The following ZFPM2 variants were observed in gnomAD, a reference collection of about 807,000 sequenced individuals.
ZFPM2 encodes the protein zinc finger protein ZFPM2.
ZFPM2 carries 20 observed loss-of-function variants against 98.6 expected under a neutral mutation model. The observed-to-expected ratio is 0.20, with a 90% CI of 0.14 to 0.29. ZFPM2 has a LOEUF of 0.29. Among genes scored for constraint, ZFPM2 ranks in the 10% least tolerant of loss-of-function variants. The pLI is 1.00. For synonymous variants in ZFPM2, 518 were observed against 502.7 expected, an observed-to-expected ratio of 1.03 and a Z score of -0.41; for missense variants, 1,310 against 1,388.6, an observed-to-expected ratio of 0.94 and a Z score of 0.90.
intron 3 of ZFPM2, among the ~76,000 whole-genome samples, chr8:105,468,577 C>T (rs1812837939): frequency 6.6e-6 from 1 of 152,114 alleles, no homozygotes; most frequent in Non-Finnish European, 1.5e-5. Flanking sequence ...TTAGCACCTT[C>T]CATGGCCTTG....
chr8:105,602,401 C>T (rs1187109092), intron 4 of ZFPM2, among the ~76,000 whole-genome samples: 1 of 151,962 alleles, frequency 6.6e-6, no homozygotes, highest in East Asian at 1.9e-4. Context: ...ATCTCTTTGT[C>T]CAGTTAATAG....
At chr8:105,606,316 TTTC>T (rs1013271342) in intron 4 of ZFPM2, among the ~76,000 whole-genome samples, 5 of 152,152 alleles carry the variant, frequency 3.3e-5, no homozygotes, top group African/African-American at 7.2e-5. Context: ...ATATGCTGCA[TTTC>T]TTCTTCTTCT....
At chr8:105,383,719 G>T (rs1373573191) in intron 1 of ZFPM2, among the ~76,000 whole-genome samples, 2 of 152,034 alleles carry the variant, frequency 1.3e-5, no homozygotes, top group African/African-American at 4.8e-5. Flanking sequence ...ATTGTTGCAT[G>T]CTATTTTAGC....
chr8:105,701,262 C>G (rs986019748), intron 5 of ZFPM2, among the ~76,000 whole-genome samples: 2 of 152,132 alleles, frequency 1.3e-5, no homozygotes, highest in Non-Finnish European at 2.9e-5. Flanking sequence ...ACAGAAATTT[C>G]TGAAATGCTA....
At chr8:105,658,021 G>C (rs1817317919) in intron 5 of ZFPM2, among the ~76,000 whole-genome samples, 1 of 152,154 alleles carries the variant, frequency 6.6e-6, no homozygotes, top group African/African-American at 2.4e-5. Flanking sequence ...TTGTTGACCA[G>C]TGCTTCCATT....
At chr8:105,392,103 T>G (rs1205733176) in intron 1 of ZFPM2, among the ~76,000 whole-genome samples, 1 of 152,194 alleles carries the variant, frequency 6.6e-6, no homozygotes, top group Non-Finnish European at 1.5e-5. Flanking sequence ...TAGGTTTCCT[T>G]GTACATCTCC....
chr8:105,649,060 G>C (rs868412125), intron 5 of ZFPM2, among the ~76,000 whole-genome samples: 19 of 152,282 alleles, frequency 1.2e-4, no homozygotes, highest in African/African-American at 4.6e-4. Flanking sequence ...TCATTGAGCA[G>C]TGGTTTGTAG....
At chr8:105,571,043 C>G (rs866729512) in intron 4 of ZFPM2, among the ~76,000 whole-genome samples, 1 of 152,144 alleles carries the variant, frequency 6.6e-6, no homozygotes, top group East Asian at 1.9e-4. Flanking sequence ...TTTATGTCAT[C>G]ATAAGATGAT....
At chr8:105,600,755 T>C (rs1409801201) in intron 4 of ZFPM2, among the ~76,000 whole-genome samples, 1 of 152,038 alleles carries the variant, frequency 6.6e-6, no homozygotes, top group Admixed American at 6.6e-5. Context: ...AAAGTGTTTA[T>C]AGCAATAATC....
At chr8:105,356,972 A>G (rs1812759740) in intron 1 of ZFPM2, among the ~76,000 whole-genome samples, 2 of 152,132 alleles carry the variant, frequency 1.3e-5, no homozygotes, top group Non-Finnish European at 2.9e-5. Flanking sequence ...ATAGCTCTTT[A>G]TTACCTACTT....
intron 1 of ZFPM2, among the ~76,000 whole-genome samples, chr8:105,330,555 T>TATATATATATATATAC (rs1812196634): frequency 1.9e-5 from 2 of 104,880 alleles, no homozygotes; most frequent in Non-Finnish European, 3.9e-5. Context: ...TATATATACA[T>TATATATATATATATAC]ATATATATAT....
rs534823544 is a variant in ZFPM2 at position 105,457,443 on chromosome 8, C to T, written c.301+13062C>T. Among the ~76,000 whole-genome samples the T allele has an allele frequency of 2.2e-4, 34 of 152,272 alleles. No individual in the cohort carries two copies. In the South Asian group the frequency reaches 7.0e-3, roughly 32 times the overall value. ...TATGCAGTAGGCTCCCAGGATCAAG[C>T]GATGACTTAGTCTACCTTCAAAAGC... On this transcript the variant is annotated intron_variant, in intron 3 of 7. Coordinates refer to ENST00000407775, the MANE Select transcript of ZFPM2 (RefSeq NM_012082.4).
At chr8:105,671,417 A>G (rs1817591379) in intron 5 of ZFPM2, among the ~76,000 whole-genome samples, 1 of 151,870 alleles carries the variant, frequency 6.6e-6, no homozygotes, top group African/African-American at 2.4e-5. Context: ...ATTTAAACTA[A>G]TAATTATTCT....
chr8:105,451,313 G>T (rs540367706), intron 3 of ZFPM2, among the ~76,000 whole-genome samples: 1 of 152,010 alleles, frequency 6.6e-6, no homozygotes, highest in Admixed American at 6.6e-5. Flanking sequence ...TATCTTATGG[G>T]CCCCCAAATA....
chr8:105,594,367 A>G (rs1469463289), intron 4 of ZFPM2, among the ~76,000 whole-genome samples: 2 of 152,100 alleles, frequency 1.3e-5, no homozygotes, highest in African/African-American at 4.8e-5. Flanking sequence ...CACAGAATGG[A>G]CCTTTTACTT....
At chr8:105,408,613 C>G (rs531105080) in intron 1 of ZFPM2, among the ~76,000 whole-genome samples, 8 of 151,714 alleles carry the variant, frequency 5.3e-5, no homozygotes, top group African/African-American at 1.9e-4. Context: ...GTGAAATTAG[C>G]GAATTTGTAT....
intron 4 of ZFPM2, among the ~76,000 whole-genome samples, chr8:105,630,371 C>T (rs1412874715): frequency 6.6e-6 from 1 of 152,148 alleles, no homozygotes; most frequent in Non-Finnish European, 1.5e-5. Flanking sequence ...TCTTTGAAGT[C>T]AGTCAATCTC....
intron 4 of ZFPM2, among the ~76,000 whole-genome samples, chr8:105,609,059 TAAAA>T (rs373653767): frequency 3.3e-5 from 5 of 151,286 alleles, no homozygotes; most frequent in African/African-American, 1.2e-4. Flanking sequence ...CACACACAAT[TAAAA>T]AAAAGCAATT....
At chr8:105,779,110 C>G (rs1813183770) in intron 5 of ZFPM2, among the ~76,000 whole-genome samples, 1 of 151,968 alleles carries the variant, frequency 6.6e-6, no homozygotes, top group African/African-American at 2.4e-5. Flanking sequence ...TATTTTAAAC[C>G]ATCTATTTCC....
Sources: gnomAD v4.1 joint callset for allele counts (sites outside exome capture counted in the v4.1 genomes callset) on GRCh38, gnomAD v4.1.1 for gene constraint, MANE v1.5 for transcripts, NCBI Gene and HGNC (gene_info 2026-07-23, HGNC 2026-07-21) for gene names.